The following EYS variants were observed in gnomAD, a reference collection of about 807,000 sequenced individuals.
The protein encoded by EYS is protein eyes shut homolog.
A neutral mutation model predicts 282.1 loss-of-function variants in EYS; 250 were observed. That is an observed-to-expected ratio of 0.89 (90% CI 0.80 to 0.98). EYS has a LOEUF of 0.98. Among genes scored for constraint, EYS ranks in the 50% least tolerant of loss-of-function variants. The pLI is 0.00. For missense variants in EYS, 4,016 were observed against 3,709.0 expected (o/e 1.08, Z -2.15); for synonymous variants, 1,355 against 1,282.9 (o/e 1.06, Z -1.20).
chr6:63,961,741 G>C (rs1766073090), intron 35 of EYS, among the ~76,000 whole-genome samples: 1 of 152,062 alleles, frequency 6.6e-6, no homozygotes, highest in Non-Finnish European at 1.5e-5. Flanking sequence ...TGGAGCCCTT[G>C]TAACCTAGTC....
intron 12 of EYS, among the ~76,000 whole-genome samples, chr6:65,277,225 G>A (rs936254550): frequency 6.6e-6 from 1 of 151,958 alleles, no homozygotes; most frequent in African/African-American, 2.4e-5. Flanking sequence ...ACGAGGTCAG[G>A]AGATCAAGAC....
At chr6:64,469,621 C>T (rs921754191) in intron 26 of EYS, among the ~76,000 whole-genome samples, 2 of 152,022 alleles carry the variant, frequency 1.3e-5, no homozygotes, top group African/African-American at 4.8e-5. Context: ...TCTGGGAAGA[C>T]GCCCCTTGCC....
intron 33 of EYS, among the ~76,000 whole-genome samples, chr6:64,028,983 C>A (rs1003888022): frequency 2.0e-5 from 3 of 152,156 alleles, no homozygotes; most frequent in Non-Finnish European, 4.4e-5. Context: ...GACATTAAAA[C>A]AGTTGAGGGG....
Position 65,405,372 on chromosome 6 carries a change from A to C in EYS, c.863-5T>G, listed in dbSNP as rs769184430. On this transcript the variant is annotated splice_polypyrimidine_tract_variant and splice_region_variant and intron_variant, in intron 5 of 42. Coordinates refer to ENST00000503581, the MANE Select transcript of EYS (RefSeq NM_001142800.2). ...CTGACACCTCACAGAATGGACCTTAAAAAAATCACACACAAGAAAAAAAAA... is the reference window on the plus strand; with the variant it reads ...CTGACACCTCACAGAATGGACCTTACAAAAATCACACACAAGAAAAAAAAA... The C allele has an allele frequency of 3.8e-6, 6 of 1,593,636 alleles. No individual in the cohort carries two copies. In the African/African-American group the frequency reaches 8.4e-5, roughly 22 times the overall value.
intron 26 of EYS, among the ~76,000 whole-genome samples, chr6:64,557,426 T>C (rs1765267729): frequency 6.6e-6 from 1 of 152,012 alleles, no homozygotes; most frequent in South Asian, 2.1e-4. Flanking sequence ...CTCCAAAACA[T>C]GTTATTTTTG....
chr6:64,343,930 C>G (rs1771247977), intron 29 of EYS, among the ~76,000 whole-genome samples: 3 of 152,122 alleles, frequency 2.0e-5, no homozygotes, highest in Admixed American at 6.6e-5. Context: ...ATAAACACCT[C>G]TACTCAAATA....
chr6:65,091,452 GAAATAAATAAAT>G (rs59923804), intron 12 of EYS, among the ~76,000 whole-genome samples: 6 of 144,228 alleles, frequency 4.2e-5, no homozygotes, highest in East Asian at 4.0e-4. Flanking sequence ...TACATCTCAA[GAAATAAATAAAT>G]AAATAAATAA....
At chr6:65,243,742 A>C (rs1056836505) in intron 12 of EYS, among the ~76,000 whole-genome samples, 3 of 152,180 alleles carry the variant, frequency 2.0e-5, no homozygotes, top group Non-Finnish European at 4.4e-5. Context: ...CCATTTCTAC[A>C]GAAAAATAAG....
chr6:65,048,383 T>C (rs566161501), intron 13 of EYS, among the ~76,000 whole-genome samples: 20 of 152,010 alleles, frequency 1.3e-4, no homozygotes, highest in Admixed American at 9.9e-4. Flanking sequence ...CCAAATCACA[T>C]TGGACTGTCC....
chr6:65,441,310 AC>A (rs1249596812), intron 5 of EYS, among the ~76,000 whole-genome samples: 4 of 151,874 alleles, frequency 2.6e-5, no homozygotes, highest in Admixed American at 6.6e-5. Flanking sequence ...AAGAACTTTT[AC>A]TTTTTAATAT....
intron 22 of EYS, among the ~76,000 whole-genome samples, chr6:64,677,057 C>T (rs1318030346): frequency 6.6e-6 from 1 of 152,098 alleles, no homozygotes; most frequent in East Asian, 1.9e-4. Context: ...ATACTTTATC[C>T]TTAAATACTC....
At chr6:64,576,111 T>A (rs550280572) in intron 26 of EYS, among the ~76,000 whole-genome samples, 2 of 152,074 alleles carry the variant, frequency 1.3e-5, no homozygotes, top group African/African-American at 2.4e-5. Context: ...CCTTTAAAAA[T>A]CTTGGAAAAT....
chr6:64,133,860 C>G (rs1774072842), intron 31 of EYS, among the ~76,000 whole-genome samples: 1 of 149,650 alleles, frequency 6.7e-6, no homozygotes, highest in Admixed American at 6.6e-5. Context: ...TTTTCTTTCT[C>G]TTTCCTGAGG....
chr6:63,826,845 C>CAAAAAAAAAAAAAAAAAAAAGGAAAAAA (rs59957107), intron 36 of EYS, among the ~76,000 whole-genome samples: 1 of 76,762 alleles, frequency 1.3e-5, no homozygotes, highest in Non-Finnish European at 2.5e-5. Flanking sequence ...AGTTAAAAAG[C>CAAAAAAAAAAAAAAAAAAAAGGAAAAAA]AAAAAAAAAA....
At chr6:64,574,974 T>C (rs1222550360) in intron 26 of EYS, among the ~76,000 whole-genome samples, 4 of 152,108 alleles carry the variant, frequency 2.6e-5, no homozygotes. Flanking sequence ...GTCAGGCTTT[T>C]TAGAGAGTGA....
chr6:64,587,437 T>C (rs889639278), intron 26 of EYS, among the ~76,000 whole-genome samples: 2 of 152,044 alleles, frequency 1.3e-5, no homozygotes, highest in Non-Finnish European at 2.9e-5. Context: ...GTTCAATCTT[T>C]CAAGATTTTT....
chr6:65,660,351 T>C (rs1407171529), intron 1 of EYS, among the ~76,000 whole-genome samples: 1 of 151,866 alleles, frequency 6.6e-6, no homozygotes, highest in East Asian at 1.9e-4. Flanking sequence ...TCTGCTTTTC[T>C]CTTGTATTTA....
chr6:64,272,031 A>T (rs1767959780), intron 30 of EYS, among the ~76,000 whole-genome samples: 1 of 152,070 alleles, frequency 6.6e-6, no homozygotes, highest in Non-Finnish European at 1.5e-5. Flanking sequence ...TGGCCTATAT[A>T]TTCCCTATTA....
intron 5 of EYS, among the ~76,000 whole-genome samples, chr6:65,410,443 C>A (rs985592950): frequency 6.6e-6 from 1 of 151,934 alleles, no homozygotes; most frequent in Non-Finnish European, 1.5e-5. Flanking sequence ...TATATAGCAC[C>A]TTACTTAAGC....
Sources: gnomAD v4.1 joint callset for allele counts (sites outside exome capture counted in the v4.1 genomes callset) on GRCh38, gnomAD v4.1.1 for gene constraint, MANE v1.5 for transcripts, NCBI Gene and HGNC (gene_info 2026-07-23, HGNC 2026-07-21) for gene names.